Variants in RGS6 observed in about 807,000 individuals in gnomAD.
The protein encoded by RGS6 is regulator of G-protein signaling 6.
RGS6 carries 30 observed loss-of-function variants against 78.5 expected under a neutral mutation model. The ratio of observed to expected loss-of-function variants is 0.38; its 90% CI spans 0.29 to 0.52. RGS6 has a LOEUF of 0.52. Among genes scored for constraint, RGS6 ranks in the 20% least tolerant of loss-of-function variants. RGS6 has a pLI of 0.85. For synonymous variants in RGS6, 206 were observed against 206.0 expected (o/e 1.00, Z 0.00); for missense variants, 495 against 609.7 (o/e 0.81, Z 1.98).
chr14:72,599,890 C>T, the RGS6 span, among the ~76,000 whole-genome samples: 8 of 152,076 alleles, frequency 5.3e-5, no homozygotes, highest in Admixed American at 2.0e-4. Flanking sequence ...GAACGGCTCT[C>T]GGGAAAATTC....
At chr14:72,406,129 G>A (rs938027686) in intron 3 of RGS6, among the ~76,000 whole-genome samples, 1 of 152,228 alleles carries the variant, frequency 6.6e-6, no homozygotes, top group Non-Finnish European at 1.5e-5. Context: ...GCTCATGCCT[G>A]TAATCCCAGC....
At chr14:72,263,550 C>A (rs1172311553) in intron 2 of RGS6, among the ~76,000 whole-genome samples, 1 of 152,156 alleles carries the variant, frequency 6.6e-6, no homozygotes, top group Non-Finnish European at 1.5e-5. Context: ...AAAGTCCTAG[C>A]CCCCAAAGTA....
intron 2 of RGS6, among the ~76,000 whole-genome samples, chr14:72,238,403 T>A (rs898221310): frequency 2.0e-5 from 3 of 152,156 alleles, no homozygotes; most frequent in Non-Finnish European, 4.4e-5. Flanking sequence ...TTCTACCCAG[T>A]ACTTCCCTGT....
At chr14:71,965,228 G>A (rs1445604355) in intron 2 of RGS6, among the ~76,000 whole-genome samples, 1 of 152,232 alleles carries the variant, frequency 6.6e-6, no homozygotes, top group Non-Finnish European at 1.5e-5. Flanking sequence ...GCTGAATGCT[G>A]TGGGAGATAG....
chr14:72,518,546 ATCTAC>A lies in RGS6; in HGVS notation c.1278+12_1278+16del, dbSNP rs776456922. On this transcript the variant is annotated intron_variant, in intron 15 of 17. Transcript: ENST00000553525. ...CATTTGAAGACGCCCAGGTTTGCTT[ATCTAC>A]TCAAGTGGTTGTCATAAGGTGTTCA... 1.2e-6 allele frequency: 2 copies of A among 1,613,348 alleles called. No homozygotes were observed. The highest frequency in any genetic ancestry group is 3.3e-5 in the Admixed American group (2 of 59,996).
the RGS6 span, among the ~76,000 whole-genome samples, chr14:72,591,722 C>A: frequency 2.6e-5 from 4 of 152,238 alleles, no homozygotes; most frequent in South Asian, 4.1e-4. Context: ...GGTACTCTCA[C>A]CTTGTTGTGT....
intron 1 of RGS6, among the ~76,000 whole-genome samples, chr14:71,935,326 A>C (rs962092387): frequency 6.6e-6 from 1 of 152,252 alleles, no homozygotes; most frequent in African/African-American, 2.4e-5. Context: ...TGCTAGGGAG[A>C]GGGAGCCACT....
At chr14:72,174,333 G>A (rs1348532691) in intron 2 of RGS6, among the ~76,000 whole-genome samples, 1 of 152,082 alleles carries the variant, frequency 6.6e-6, no homozygotes, top group Non-Finnish European at 1.5e-5. Flanking sequence ...CCTGACCTCA[G>A]GTGATCTGCC....
intron 3 of RGS6, among the ~76,000 whole-genome samples, chr14:72,435,160 G>T (rs1437388289): frequency 6.6e-6 from 1 of 152,178 alleles, no homozygotes; most frequent in Non-Finnish European, 1.5e-5. Flanking sequence ...AATCCTTTTT[G>T]AATCAGTTGC....
At chr14:71,926,164 A>T in the RGS6 span, among the ~76,000 whole-genome samples, 1 of 152,236 alleles carries the variant, frequency 6.6e-6, no homozygotes, top group Non-Finnish European at 1.5e-5. Flanking sequence ...GAAAAACACA[A>T]TTTAAAAACT....
At chr14:72,128,809 G>A (rs1435317477) in intron 2 of RGS6, among the ~76,000 whole-genome samples, 2 of 152,172 alleles carry the variant, frequency 1.3e-5, no homozygotes, top group Non-Finnish European at 1.5e-5. Context: ...CACAACGTAT[G>A]CGTGTGCATC....
rs561258128 is a variant in RGS6, at chr14:72,562,989, C to T, written c.*522C>T. Reference sequence around the variant, plus strand: ...CATCCCTCACGTCTCTGTGGCCACCCGGGTGTCACTGCCAGCACCAGGCAC... The same window carrying T: ...CATCCCTCACGTCTCTGTGGCCACCTGGGTGTCACTGCCAGCACCAGGCAC... On this transcript the variant is annotated 3_prime_UTR_variant, in exon 18 of 18. Coordinates refer to ENST00000553525, the MANE Select transcript of RGS6 (RefSeq NM_001204424.2). 86 of 583,266 alleles carry T rather than the reference C, an allele frequency of 1.5e-4. 2 individuals carry two copies. The South Asian group carries it at 1.7e-3, about 11-fold the overall frequency. 36.1% of individuals were successfully genotyped at this position (583,266 alleles called of 1,614,324 possible). A position where few individuals can be genotyped will look rare whatever the true frequency, so the allele number is the denominator to read the frequency against.
chr14:71,955,922 G>A (rs2092753629), intron 1 of RGS6, among the ~76,000 whole-genome samples: 1 of 152,180 alleles, frequency 6.6e-6, no homozygotes, highest in South Asian at 2.1e-4. Flanking sequence ...GGAAGATGGA[G>A]AACATGGTGG....
chr14:72,430,246 G>C (rs376520508), intron 3 of RGS6, among the ~76,000 whole-genome samples: 1 of 152,112 alleles, frequency 6.6e-6, no homozygotes, highest in East Asian at 1.9e-4. Context: ...TCGCTCACAC[G>C]TGATAGATAG....
chr14:71,896,007 C>T, the RGS6 span, among the ~76,000 whole-genome samples: 1 of 151,924 alleles, frequency 6.6e-6, no homozygotes, highest in Non-Finnish European at 1.5e-5. Flanking sequence ...CCAGGGAGCC[C>T]AGGGGTGCAG....
At chr14:72,446,282 C>T (rs1365838495) in intron 3 of RGS6, among the ~76,000 whole-genome samples, 1 of 152,120 alleles carries the variant, frequency 6.6e-6, no homozygotes. Context: ...TCTAAGCCAC[C>T]CAGTTTGTGA....
chr14:72,438,065 G>T (rs928100598), intron 3 of RGS6, among the ~76,000 whole-genome samples: 5 of 152,274 alleles, frequency 3.3e-5, no homozygotes, highest in African/African-American at 7.2e-5. Flanking sequence ...GAAAAAGGGG[G>T]GTGGAAATAA....
the RGS6 span, among the ~76,000 whole-genome samples, chr14:71,891,701 C>G: frequency 6.6e-6 from 1 of 152,190 alleles, no homozygotes; most frequent in African/African-American, 2.4e-5. Flanking sequence ...CAAACCGCTA[C>G]AGTCCTATAC....
chr14:72,537,003 T>C (rs2097259643), intron 16 of RGS6, among the ~76,000 whole-genome samples: 1 of 152,010 alleles, frequency 6.6e-6, no homozygotes, highest in African/African-American at 2.4e-5. Context: ...GCTAGATTCC[T>C]GGGAAGAGAG....
Sources: gnomAD v4.1 joint callset for allele counts (sites outside exome capture counted in the v4.1 genomes callset) on GRCh38, gnomAD v4.1.1 for gene constraint, MANE v1.5 for transcripts, NCBI Gene and HGNC (gene_info 2026-07-23, HGNC 2026-07-21) for gene names.